OLA1: variants seen among roughly 807,000 people sequenced by gnomAD.
The protein encoded by OLA1 is Obg like ATPase 1.
A neutral mutation model predicts 48.4 loss-of-function variants in OLA1; 14 were observed. That is an observed-to-expected ratio of 0.29 (90% CI 0.19 to 0.45). The LOEUF is 0.45. Ranked by LOEUF, OLA1 falls within the 20% of genes least tolerant of loss-of-function variation. The pLI, the probability that OLA1 is intolerant of heterozygous loss-of-function variation, is 1.00. For missense variants in OLA1, 325 were observed against 467.1 expected (o/e 0.70, Z 2.80); for synonymous variants, 127 against 150.4 (o/e 0.84, Z 1.14).
chr2:174,145,185 T>C (rs1686565103), intron 4 of OLA1, among the ~76,000 whole-genome samples: 1 of 151,664 alleles, frequency 6.6e-6, no homozygotes. Context: ...CTTTCAGTGA[T>C]TGGGGAATAT....
At chr2:174,102,111 T>A (rs1420214506) in intron 7 of OLA1, among the ~76,000 whole-genome samples, 1 of 152,114 alleles carries the variant, frequency 6.6e-6, no homozygotes, top group Non-Finnish European at 1.5e-5. Context: ...TTATAAGTCA[T>A]TAGCAGAGAG....
chr2:174,220,218 C>T (rs1688469282), intron 4 of OLA1, among the ~76,000 whole-genome samples: 1 of 152,140 alleles, frequency 6.6e-6, no homozygotes, highest in Admixed American at 6.6e-5. Context: ...CTAACTATAT[C>T]CCTGGGCTCT....
intron 2 of OLA1, among the ~76,000 whole-genome samples, chr2:174,238,305 G>A (rs1472666906): frequency 6.6e-6 from 1 of 151,942 alleles, no homozygotes; most frequent in Non-Finnish European, 1.5e-5. Flanking sequence ...AGACCAGCCT[G>A]GGTCAACATG....
chr2:174,186,542 T>C (rs776646835), intron 4 of OLA1, among the ~76,000 whole-genome samples: 5 of 152,176 alleles, frequency 3.3e-5, no homozygotes, highest in East Asian at 1.9e-4. Context: ...TTTCCGATCA[T>C]ACCCAGATTC....
intron 7 of OLA1, among the ~76,000 whole-genome samples, chr2:174,114,468 G>T (rs951247374): frequency 2.6e-5 from 4 of 151,392 alleles, no homozygotes; most frequent in Non-Finnish European, 5.9e-5. Flanking sequence ...AACTGCTAGT[G>T]ACCTTCATGT....
rs1442203014 is a variant in OLA1, at chr2:174,074,447, A to G, written c.*979T>C. 2.7e-5 allele frequency: 4 copies of G among 149,664 alleles called. No individual in the cohort carries two copies. Among genetic ancestry groups the G allele is most frequent in the African/African-American group, 9.7e-5 (4 of 41,378 alleles). The allele number at this position is 149,664 out of a possible 1,614,324, so 9.3% of individuals were successfully genotyped here. A position where few individuals can be genotyped will look rare whatever the true frequency, so the allele number is the denominator to read the frequency against. On this transcript the variant is annotated 3_prime_UTR_variant, in exon 11 of 11. Transcript: ENST00000284719. ...ATGTTAAGAAGTGCTTAACTTACCCATACTACCACTTCGACTGCTCTCAAA... is the reference window on the plus strand; with the variant it reads ...ATGTTAAGAAGTGCTTAACTTACCCGTACTACCACTTCGACTGCTCTCAAA...
intron 7 of OLA1, among the ~76,000 whole-genome samples, chr2:174,104,629 G>C (rs1685473467): frequency 1.3e-5 from 2 of 151,954 alleles, no homozygotes; most frequent in South Asian, 4.1e-4. Context: ...CATTTTGTGG[G>C]ATGGTTATGC....
chr2:174,180,081 T>G (rs1687499083), intron 4 of OLA1, among the ~76,000 whole-genome samples: 2 of 152,060 alleles, frequency 1.3e-5, no homozygotes, highest in South Asian at 4.1e-4. Context: ...TTATAACATA[T>G]AATCAAGCAA....
intron 4 of OLA1, among the ~76,000 whole-genome samples, chr2:174,144,951 A>AAAAAAATATAT (rs1181030817): frequency 5.0e-5 from 2 of 40,294 alleles, no homozygotes; most frequent in Non-Finnish European, 8.0e-5. Flanking sequence ...AAAAAAAAAA[A>AAAAAAATATAT]ATATATATAT....
chr2:174,231,877 A>C (rs1688736139), intron 2 of OLA1, among the ~76,000 whole-genome samples: 1 of 152,220 alleles, frequency 6.6e-6, no homozygotes, highest in South Asian at 2.1e-4. Context: ...TATTAAGAAA[A>C]GCCTCGCGAA....
chr2:174,126,551 T>C (rs567078755), intron 5 of OLA1, among the ~76,000 whole-genome samples: 1 of 152,228 alleles, frequency 6.6e-6, no homozygotes, highest in African/African-American at 2.4e-5. Context: ...GTTACATGAG[T>C]GGACTAATTC....
intron 2 of OLA1, among the ~76,000 whole-genome samples, chr2:174,245,379 C>T (rs1197899467): frequency 6.6e-6 from 1 of 152,160 alleles, no homozygotes; most frequent in African/African-American, 2.4e-5. Flanking sequence ...GAATTTAAGA[C>T]ATGCCTCACT....
intron 10 of OLA1, among the ~76,000 whole-genome samples, chr2:174,077,870 T>C (rs934287609): frequency 6.6e-6 from 1 of 151,982 alleles, no homozygotes; most frequent in African/African-American, 2.4e-5. Context: ...TAATCTGAGA[T>C]TTTTGTTCGT....
chr2:174,180,245 T>A (rs1687503278), intron 4 of OLA1, among the ~76,000 whole-genome samples: 1 of 152,158 alleles, frequency 6.6e-6, no homozygotes. Flanking sequence ...ACTATTAATA[T>A]TTTACCTTCA....
intron 7 of OLA1, among the ~76,000 whole-genome samples, chr2:174,099,175 G>C (rs1016518741): frequency 7.5e-6 from 1 of 133,326 alleles, no homozygotes; most frequent in Non-Finnish European, 1.6e-5. Flanking sequence ...TTTTTTTTTT[G>C]AGACGGAGTC....
At chr2:174,149,635 G>C (rs1470012314) in intron 4 of OLA1, among the ~76,000 whole-genome samples, 1 of 152,146 alleles carries the variant, frequency 6.6e-6, no homozygotes, top group Non-Finnish European at 1.5e-5. Flanking sequence ...ACTCAAAACA[G>C]ATATTTACGT....
chr2:174,139,513 C>G (rs897746951), intron 5 of OLA1, among the ~76,000 whole-genome samples: 1 of 152,224 alleles, frequency 6.6e-6, no homozygotes, highest in African/African-American at 2.4e-5. Flanking sequence ...ATGCTTATCC[C>G]ACTCCTGCCT....
intron 7 of OLA1, among the ~76,000 whole-genome samples, chr2:174,112,769 T>C (rs540786974): frequency 6.6e-5 from 10 of 152,176 alleles, no homozygotes; most frequent in African/African-American, 9.6e-5. Flanking sequence ...GCCAGTGACA[T>C]ACTCTCAGGC....
At chr2:174,242,519 A>T (rs1248621030) in intron 2 of OLA1, among the ~76,000 whole-genome samples, 4 of 152,166 alleles carry the variant, frequency 2.6e-5, no homozygotes, top group African/African-American at 9.7e-5. Flanking sequence ...GACCATGAGG[A>T]TGAGGCCACA....
Sources: gnomAD v4.1 joint callset for allele counts (sites outside exome capture counted in the v4.1 genomes callset) on GRCh38, gnomAD v4.1.1 for gene constraint, MANE v1.5 for transcripts, NCBI Gene and HGNC (gene_info 2026-07-23, HGNC 2026-07-21) for gene names.